Variants in ABCC5 observed in about 807,000 individuals in gnomAD.
ABCC5 encodes ATP binding cassette subfamily C member 5.
In ABCC5, 61 loss-of-function variants were observed where a neutral mutation model predicts 160.9. That is an observed-to-expected ratio of 0.38 (90% CI 0.31 to 0.47). ABCC5 has a LOEUF of 0.47. ABCC5 is among the 20% of genes least tolerant of loss of function. The pLI, the probability that ABCC5 is intolerant of heterozygous loss-of-function variation, is 0.99. For missense variants in ABCC5, 1,308 were observed against 1,813.3 expected (o/e 0.72, Z 5.06); for synonymous variants, 666 against 700.6 (o/e 0.95, Z 0.78).
chr3:183,921,085 C>A lies in ABCC5; in HGVS notation c.*215G>T. On this transcript the variant is annotated 3_prime_UTR_variant, in exon 30 of 30. Transcript: ENST00000334444. The surrounding 1 kb of genome is among the most constrained non-coding windows in gnomAD (Gnocchi z 4.1). ...GAACCTTTTAGAGTGCAATTAAGAA[C>A]AAAAACTAAATTTTGTTTACATGAA... The A allele has an allele frequency of 2.4e-6, 1 of 423,122 alleles. No individual in the cohort carries two copies. Among genetic ancestry groups the A allele is most frequent in the Non-Finnish European group, 4.2e-6 (1 of 236,048 alleles). 26.2% of individuals were successfully genotyped at this position (423,122 alleles called of 1,614,324 possible).
At chr3:183,977,875 C>T (rs1718361810) in intron 9 of ABCC5, among the ~76,000 whole-genome samples, 1 of 152,114 alleles carries the variant, frequency 6.6e-6, no homozygotes, top group Admixed American at 6.5e-5. Context: ...GCCTCAGCCT[C>T]CCGAGTAGCT....
intron 2 of ABCC5, among the ~76,000 whole-genome samples, chr3:184,005,149 C>T (rs760704366): frequency 6.6e-6 from 1 of 152,132 alleles, no homozygotes; most frequent in African/African-American, 2.4e-5. Context: ...GGAAGCTCAC[C>T]CAGCCCCAGC....
At chr3:183,984,934 C>T (rs1162468425) in intron 5 of ABCC5, 1 of 1,525,162 alleles carries the variant, frequency 6.6e-7, no homozygotes, top group Non-Finnish European at 8.8e-7. Context: ...CTCCTTCCTT[C>T]CCATACCTTT....
intron 25 of ABCC5, among the ~76,000 whole-genome samples, chr3:183,942,035 C>T (rs763551712): frequency 4.7e-5 from 7 of 148,540 alleles, no homozygotes; most frequent in Non-Finnish European, 7.4e-5. Flanking sequence ...TCTACAGTTA[C>T]GCATTTCTTT....
rs561166659 is a variant in ABCC5, at chr3:183,937,417, A to G, written c.3854+484T>C. On this transcript the variant is annotated intron_variant, in intron 26 of 29. Coordinates refer to ENST00000334444, the MANE Select transcript of ABCC5 (RefSeq NM_005688.4). Reference sequence around the variant, plus strand: ...AAAAACTGCAACTTTCAGCGCACCTAGGAGAGATGACAGAATGGAGTGGGG... The same window carrying G: ...AAAAACTGCAACTTTCAGCGCACCTGGGAGAGATGACAGAATGGAGTGGGG... Among the ~76,000 whole-genome samples the G allele has an allele frequency of 7.2e-5, 11 of 152,276 alleles. No homozygotes were observed. In the South Asian group the frequency reaches 1.5e-3, roughly 20 times the overall value.
Position 183,947,396 on chromosome 3 carries a change from C to T in ABCC5, c.3342G>A (p.Gly1114=), listed in dbSNP as rs760498120. The T allele has an allele frequency of 2.5e-6, 4 of 1,613,804 alleles. No homozygotes were observed. In the Admixed American group the frequency reaches 5.0e-5, roughly 20 times the overall value. The change falls in exon 23 of 30, where the codon GGG becomes GGA. Residue 1114 remains glycine (G), a synonymous_variant. Coordinates refer to ENST00000334444, the MANE Select transcript of ABCC5 (RefSeq NM_005688.4). ...LISIALITTT[G]LMIVLMHGQI... ...GCCCGTGCATAAGAACGATCATCAG[C>T]CCCGTGGTGGTGATGAGGGCGATGC... is the stretch of plus-strand genomic sequence containing the variant.
intron 24 of ABCC5, among the ~76,000 whole-genome samples, chr3:183,943,852 T>C (rs1259801742): frequency 2.7e-5 from 4 of 150,668 alleles, no homozygotes; most frequent in Non-Finnish European, 5.9e-5. Context: ...ACACTGCACA[T>C]ATGTACACAC....
rs1040530851 is a variant in ABCC5, at chr3:183,958,607, T to C, written c.2482+1126A>G. On this transcript the variant is annotated intron_variant, in intron 17 of 29. Coordinates refer to ENST00000334444, the MANE Select transcript of ABCC5 (RefSeq NM_005688.4). ...AAAAAGAAATAAAAGAGGCAGTAAGTCAGGATGATCAACTCCCAATACCAA... is the reference window on the plus strand; with the variant it reads ...AAAAAGAAATAAAAGAGGCAGTAAGCCAGGATGATCAACTCCCAATACCAA... Among the ~76,000 whole-genome samples the C allele has an allele frequency of 2.6e-5, 4 of 151,968 alleles. No individual in the cohort carries two copies. The East Asian group carries it at 7.7e-4, about 29-fold the overall frequency.
At chr3:183,943,142 G>A (rs1714525157) in intron 24 of ABCC5, among the ~76,000 whole-genome samples, 1 of 152,200 alleles carries the variant, frequency 6.6e-6, no homozygotes. Context: ...GCAGCAGCCT[G>A]GGGAGGGAAG....
chr3:183,993,978 T>G (rs1486334244), intron 2 of ABCC5, among the ~76,000 whole-genome samples: 17 of 151,156 alleles, frequency 1.1e-4, no homozygotes, highest in African/African-American at 3.7e-4. Context: ...TTTTTTTTTT[T>G]TTTGAGACAG....
chr3:183,997,135 G>A (rs1304694035), intron 2 of ABCC5, among the ~76,000 whole-genome samples: 1 of 152,056 alleles, frequency 6.6e-6, no homozygotes. Context: ...AAAAACAAGA[G>A]AAAATAATTC....
rs1132776 is a variant in ABCC5, at chr3:183,978,614, A to G, written c.1185T>C (p.Ala395=). ...REEERRILEK[A]GYFQSITVGV... is the part of the protein sequence containing the mutation. ...CCACAGTGATGCTCTGGAAGTACCC[A>G]GCTTTTTCCAATATCCGACGCTCCT... Residue 395 remains alanine, a synonymous_variant, in exon 9 of 30, where the codon GCT becomes GCC. Coordinates refer to ENST00000334444, the MANE Select transcript of ABCC5 (RefSeq NM_005688.4). 916,968 of 1,613,508 alleles carry G rather than the reference A, an allele frequency of 0.57. 264,225 individuals carry two copies. Among genetic ancestry groups the G allele is most frequent in the East Asian group, 0.85 (38,254 of 44,862 alleles).
intron 14 of ABCC5, 33 bp downstream of exon 14, chr3:183,965,152 C>T: frequency 6.2e-7 from 1 of 1,611,256 alleles, no homozygotes; most frequent in Non-Finnish European, 8.5e-7. Context: ...TGCCACTCTG[C>T]TAAATGCCTG....
chr3:183,980,866 C>T lies in ABCC5; in HGVS notation c.1147+861G>A, dbSNP rs147153775. ...TAGCTGGGATTACAGGCATGCACCA[C>T]CACACCCAGCTTATTTTTGTATTTT... On this transcript the variant is annotated intron_variant, in intron 8 of 29. Transcript: ENST00000334444. Among the ~76,000 whole-genome samples, 1,351 of 152,164 alleles carry T rather than the reference C, an allele frequency of 8.9e-3. 9 individuals carry two copies. The highest frequency in any genetic ancestry group is 0.013 in the Non-Finnish European group (912 of 68,000).
At chr3:183,994,855 GTTT>G (rs71632005) in intron 2 of ABCC5, among the ~76,000 whole-genome samples, 3 of 109,686 alleles carry the variant, frequency 2.7e-5, no homozygotes, top group Admixed American at 9.2e-5. Flanking sequence ...CATTTTCTAT[GTTT>G]TTTTTTTTTT....
chr3:183,980,170 T>G (rs1051731973), intron 8 of ABCC5, among the ~76,000 whole-genome samples: 13 of 152,178 alleles, frequency 8.5e-5, no homozygotes, highest in Admixed American at 4.6e-4. Context: ...CCACTGTACC[T>G]GGCAAATACT....
Position 183,951,308 on chromosome 3 carries a change from C to T in ABCC5, c.2944+133G>A, listed in dbSNP as rs974176367. The T allele has an allele frequency of 8.3e-6, 10 of 1,200,806 alleles. No individual in the cohort carries two copies. The African/African-American group carries it at 1.5e-4, about 18-fold the overall frequency. 74.4% of individuals were successfully genotyped at this position (1,200,806 alleles called of 1,614,324 possible). A position where few individuals can be genotyped will look rare whatever the true frequency, so the allele number is the denominator to read the frequency against. ...GACAGAAAATGCAGTTGCAATGTTC[C>T]TGGTGAAAACACCAGCAGTCACTGT... On this transcript the variant is annotated intron_variant, in intron 20 of 29. Coordinates refer to ENST00000334444, the MANE Select transcript of ABCC5 (RefSeq NM_005688.4). The surrounding 1 kb of genome is among the most constrained non-coding windows in gnomAD (Gnocchi z 4.7).
At position 183,982,210 on chromosome 3, in the gene ABCC5, G is replaced by C. The variant is rs1576893103; in HGVS notation, c.999+241C>G. Among the ~76,000 whole-genome samples, 4 of 152,062 alleles carry C rather than the reference G, an allele frequency of 2.6e-5. No individual in the cohort carries two copies. The highest frequency in any genetic ancestry group is 2.6e-4 in the Admixed American group (4 of 15,278). Reference sequence around the variant, plus strand: ...GACTCAAACACTCCTATGTCAAGTGGGACAGGGTTCACCAGCTGACCTTCT... The same window carrying C: ...GACTCAAACACTCCTATGTCAAGTGCGACAGGGTTCACCAGCTGACCTTCT... On this transcript the variant is annotated intron_variant, in intron 7 of 29. Transcript: ENST00000334444. The surrounding 1 kb of genome is among the most constrained non-coding windows in gnomAD (Gnocchi z 5.2).
intron 17 of ABCC5, 39 bp from the exon 18 acceptor site, chr3:183,953,309 G>A (rs762378059): frequency 6.4e-7 from 1 of 1,551,324 alleles, no homozygotes. Context: ...CAGAAGGGAA[G>A]AACTATTTCC....
Sources: gnomAD v4.1 joint callset for allele counts (sites outside exome capture counted in the v4.1 genomes callset) on GRCh38, gnomAD v4.1.1 for gene constraint, Gnocchi (gnomAD v3.1) non-coding constraint, MANE v1.5 for transcripts, NCBI Gene and HGNC (gene_info 2026-07-23, HGNC 2026-07-21) for gene names.